AKAP6: variants seen among roughly 807,000 people sequenced by gnomAD.
AKAP6 encodes A-kinase anchor protein 6.
Under a neutral mutation model 188.5 loss-of-function variants are expected in AKAP6, and 58 were observed. That is an observed-to-expected ratio of 0.31 (90% CI 0.25 to 0.38). The LOEUF is 0.38. AKAP6 is among the 10% of genes least tolerant of loss of function. The pLI, the probability that AKAP6 is intolerant of heterozygous loss-of-function variation, is 1.00. For synonymous variants in AKAP6, 989 were observed against 998.6 expected, an observed-to-expected ratio of 0.99 and a Z score of 0.18; for missense variants, 2,710 against 2,740.0, an observed-to-expected ratio of 0.99 and a Z score of 0.24.
At chr14:32,359,873 A>G (rs1887602792) in intron 1 of AKAP6, among the ~76,000 whole-genome samples, 1 of 152,162 alleles carries the variant, frequency 6.6e-6, no homozygotes, top group South Asian at 2.1e-4. Context: ...GCCATACAAC[A>G]TATTACTGGT....
At chr14:32,519,514 T>C (rs1312801337) in intron 2 of AKAP6, among the ~76,000 whole-genome samples, 3 of 149,800 alleles carry the variant, frequency 2.0e-5, no homozygotes, top group African/African-American at 7.4e-5. Context: ...ACCAAGCAAA[T>C]GGAAAACAAA....
chr14:32,766,873 A>C (rs2032734856), intron 11 of AKAP6, among the ~76,000 whole-genome samples: 1 of 152,112 alleles, frequency 6.6e-6, no homozygotes, highest in East Asian at 1.9e-4. Flanking sequence ...TATCTACAAA[A>C]TCATTGTCTA....
chr14:32,585,494 G>A (rs1455093253), intron 5 of AKAP6, among the ~76,000 whole-genome samples: 2 of 136,176 alleles, frequency 1.5e-5, no homozygotes, highest in African/African-American at 7.1e-5. Context: ...CTATATATAT[G>A]TGTGTGTGTG....
intron 1 of AKAP6, among the ~76,000 whole-genome samples, chr14:32,378,601 T>C (rs766281577): frequency 7.2e-5 from 11 of 152,216 alleles, no homozygotes; most frequent in Non-Finnish European, 1.5e-4. Flanking sequence ...ATAATATTTA[T>C]TGATTGTCCT....
chr14:32,389,657 A>C (rs911210593), intron 1 of AKAP6, among the ~76,000 whole-genome samples: 2 of 152,148 alleles, frequency 1.3e-5, no homozygotes, highest in African/African-American at 4.8e-5. Context: ...TTGTCTGAGG[A>C]GGCTGAAGAT....
At chr14:32,505,907 A>T (rs977362060) in intron 2 of AKAP6, among the ~76,000 whole-genome samples, 5 of 152,212 alleles carry the variant, frequency 3.3e-5, no homozygotes, top group East Asian at 1.9e-4. Flanking sequence ...AGATTTTTTT[A>T]AAAAACAGGC....
At chr14:32,362,459 G>A (rs997867193) in intron 1 of AKAP6, among the ~76,000 whole-genome samples, 2 of 152,270 alleles carry the variant, frequency 1.3e-5, no homozygotes. Flanking sequence ...CAGAGAGAAG[G>A]CAACATTTGA....
intron 12 of AKAP6, among the ~76,000 whole-genome samples, chr14:32,814,469 T>G (rs1212658195): frequency 6.6e-6 from 1 of 152,198 alleles, no homozygotes. Flanking sequence ...GATTTACCTA[T>G]TCTGGATACT....
At chr14:32,370,685 G>A (rs1207297713) in intron 1 of AKAP6, among the ~76,000 whole-genome samples, 6 of 152,220 alleles carry the variant, frequency 3.9e-5, no homozygotes, top group Non-Finnish European at 7.3e-5. Context: ...AAACAATGGA[G>A]TGGTGGTAAG....
intron 1 of AKAP6, among the ~76,000 whole-genome samples, chr14:32,382,529 G>A (rs1244085173): frequency 6.6e-6 from 1 of 152,200 alleles, no homozygotes; most frequent in Non-Finnish European, 1.5e-5. Context: ...CATTGTAAGT[G>A]CTCAATAAAT....
intron 11 of AKAP6, among the ~76,000 whole-genome samples, chr14:32,771,419 T>C (rs1286642080): frequency 1.3e-5 from 2 of 151,970 alleles, no homozygotes; most frequent in East Asian, 3.9e-4. Context: ...GCCTTCTTAG[T>C]TTTTAAACCA....
chr14:32,525,542 C>G (rs1407386491), intron 2 of AKAP6, among the ~76,000 whole-genome samples: 1 of 152,192 alleles, frequency 6.6e-6, no homozygotes, highest in Non-Finnish European at 1.5e-5. Context: ...TTTCTATCAT[C>G]TCTTCCACGC....
At chr14:32,394,932 T>G (rs1888830952) in intron 1 of AKAP6, among the ~76,000 whole-genome samples, 1 of 152,200 alleles carries the variant, frequency 6.6e-6, no homozygotes, top group South Asian at 2.1e-4. Flanking sequence ...TAATTGTGTC[T>G]GCTAAATAGC....
chr14:32,389,852 C>T (rs965375050), intron 1 of AKAP6, among the ~76,000 whole-genome samples: 1 of 152,008 alleles, frequency 6.6e-6, no homozygotes, highest in East Asian at 1.9e-4. Flanking sequence ...GATGAATTTC[C>T]CGTGTGTTCT....
chr14:32,596,055 A>G (rs1885688439), intron 5 of AKAP6, among the ~76,000 whole-genome samples: 1 of 152,138 alleles, frequency 6.6e-6, no homozygotes, highest in Non-Finnish European at 1.5e-5. Context: ...CACAAGACTA[A>G]TGGAACTCAG....
chr14:32,728,371 T>TATCTATCTA (rs1323406613), intron 9 of AKAP6, among the ~76,000 whole-genome samples: 2 of 151,790 alleles, frequency 1.3e-5, no homozygotes, highest in Non-Finnish European at 1.5e-5. Flanking sequence ...TCTATCTATC[T>TATCTATCTA]ATCTATCTAT....
chr14:32,471,578 T>C (rs2138862048), intron 2 of AKAP6, among the ~76,000 whole-genome samples: 1 of 152,326 alleles, frequency 6.6e-6, no homozygotes, highest in South Asian at 2.1e-4. Flanking sequence ...TTCTCCTAAG[T>C]GTATTATACA....
chr14:32,627,894 G>A (rs1220016444), intron 7 of AKAP6: 2 of 151,988 alleles, frequency 1.3e-5, no homozygotes, highest in African/African-American at 4.8e-5. Context: ...ACAGGCAGCA[G>A]TTACTGTCCA....
chr14:32,523,791 T>TAAAA (rs55994452), intron 2 of AKAP6, among the ~76,000 whole-genome samples: 4 of 107,144 alleles, frequency 3.7e-5, no homozygotes, highest in Admixed American at 1.0e-4. Flanking sequence ...TCCTCCTGAT[T>TAAAA]AAAAAAAAAA....
Sources: allele counts gnomAD v4.1 joint callset (sites outside exome capture counted in the v4.1 genomes callset), GRCh38; gene constraint gnomAD v4.1.1; transcripts MANE v1.5; gene names NCBI Gene and HGNC (gene_info 2026-07-23, HGNC 2026-07-21).